The following AOPEP variants were observed in gnomAD, a reference collection of about 807,000 sequenced individuals.
AOPEP encodes aminopeptidase O (putative).
A neutral mutation model predicts 98.1 loss-of-function variants in AOPEP; 77 were observed. The observed-to-expected ratio is 0.78, with a 90% CI of 0.65 to 0.95. AOPEP has a LOEUF of 0.95. Among genes scored for constraint, AOPEP ranks in the 40% least tolerant of loss-of-function variants. The pLI is 0.00. For synonymous variants in AOPEP, 346 were observed against 365.3 expected, an observed-to-expected ratio of 0.95 and a Z score of 0.60; for missense variants, 1,024 against 1,024.7, an observed-to-expected ratio of 1.00 and a Z score of 0.01.
intron 13 of AOPEP, among the ~76,000 whole-genome samples, chr9:95,020,612 T>TG (rs2063363980): frequency 6.6e-6 from 1 of 150,882 alleles, no homozygotes; most frequent in African/African-American, 2.4e-5. Context: ...ACAGTATTAT[T>TG]TAAAAAAAAA....
chr9:95,144,985 G>A, the AOPEP span, among the ~76,000 whole-genome samples: 30 of 152,094 alleles, frequency 2.0e-4, no homozygotes, highest in African/African-American at 7.0e-4. Context: ...GTAGAAAAAA[G>A]GCCATTTTAT....
At chr9:95,112,982 C>A in the AOPEP span, among the ~76,000 whole-genome samples, 7 of 152,188 alleles carry the variant, frequency 4.6e-5, no homozygotes, top group African/African-American at 1.7e-4. Context: ...ACCCAGGGCA[C>A]CCACTGCACA....
chr9:95,128,998 G>A, the AOPEP span, among the ~76,000 whole-genome samples: 1 of 151,998 alleles, frequency 6.6e-6, no homozygotes, highest in East Asian at 1.9e-4. Context: ...CAACTCCTGG[G>A]TTCAAAAGAT....
intron 5 of AOPEP, among the ~76,000 whole-genome samples, chr9:94,901,388 A>G (rs1484758259): frequency 6.6e-6 from 1 of 151,952 alleles, no homozygotes; most frequent in Non-Finnish European, 1.5e-5. Flanking sequence ...AAATGGGAGG[A>G]TGGGCACTGT....
At chr9:95,137,792 G>A in the AOPEP span, among the ~76,000 whole-genome samples, 1 of 152,220 alleles carries the variant, frequency 6.6e-6, no homozygotes, top group Non-Finnish European at 1.5e-5. Flanking sequence ...AGCTGCAGAT[G>A]GCAGGAGGCA....
At chr9:95,111,420 C>T in the AOPEP span, 14 of 1,601,742 alleles carry the variant, frequency 8.7e-6, no homozygotes, top group Non-Finnish European at 1.2e-5. Flanking sequence ...TCTCAGCCCC[C>T]CAGAGCCCAC....
chr9:94,777,689 A>G (rs1588159896), intron 3 of AOPEP, among the ~76,000 whole-genome samples: 1 of 130,368 alleles, frequency 7.7e-6, no homozygotes, highest in Non-Finnish European at 1.5e-5. Flanking sequence ...GCTGGAGTAC[A>G]GTGGCGCGAT....
At chr9:94,755,911 A>G (rs1016621325) in intron 1 of AOPEP, among the ~76,000 whole-genome samples, 1 of 152,230 alleles carries the variant, frequency 6.6e-6, no homozygotes, top group African/African-American at 2.4e-5. Context: ...CCAAAGTTCA[A>G]TAAAATAAAG....
chr9:95,126,153 T>C, the AOPEP span, among the ~76,000 whole-genome samples: 1 of 152,246 alleles, frequency 6.6e-6, no homozygotes, highest in East Asian at 1.9e-4. Context: ...TCTTTAGCTT[T>C]AAAGTCTTTT....
At chr9:94,837,328 AAAG>A (rs1411090554) in intron 5 of AOPEP, among the ~76,000 whole-genome samples, 1 of 152,238 alleles carries the variant, frequency 6.6e-6, no homozygotes, top group East Asian at 1.9e-4. Context: ...ATCAGACTTC[AAAG>A]AAGAATTGGT....
the AOPEP span, chr9:95,111,387 CAG>C: frequency 6.3e-7 from 1 of 1,597,282 alleles, no homozygotes; most frequent in South Asian, 1.1e-5. Context: ...AAGCCCACAA[CAG>C]AGCCCCTCTC....
At chr9:94,842,560 A>T (rs766832496) in intron 5 of AOPEP, among the ~76,000 whole-genome samples, 1 of 152,150 alleles carries the variant, frequency 6.6e-6, no homozygotes, top group Non-Finnish European at 1.5e-5. Flanking sequence ...TTTGCTTTCA[A>T]TTGTCAAACA....
chr9:94,792,124 T>G (rs1845860953), intron 3 of AOPEP, among the ~76,000 whole-genome samples: 1 of 152,210 alleles, frequency 6.6e-6, no homozygotes, highest in South Asian at 2.1e-4. Context: ...AGTCCTTGGC[T>G]CCGTTAAACC....
chr9:94,745,701 A>T (rs374188581), intron 1 of AOPEP, among the ~76,000 whole-genome samples: 39 of 152,210 alleles, frequency 2.6e-4, no homozygotes, highest in African/African-American at 8.4e-4. Context: ...ACAGGATCTT[A>T]TTCTTTTTAA....
chr9:95,046,069 T>A (rs528436591), intron 13 of AOPEP, among the ~76,000 whole-genome samples: 1 of 152,328 alleles, frequency 6.6e-6, no homozygotes, highest in African/African-American at 2.4e-5. Flanking sequence ...TTTAAAAAAA[T>A]GTCAGTGGAC....
At chr9:94,933,461 C>CT (rs1294011249) in intron 7 of AOPEP, 9 of 985,274 alleles carry the variant, frequency 9.1e-6, no homozygotes, top group Non-Finnish European at 1.1e-5. Context: ...AAATGTATCG[C>CT]TTTAAGGAGG....
intron 7 of AOPEP, among the ~76,000 whole-genome samples, chr9:94,939,038 AG>A (rs766924768): frequency 1.2e-4 from 19 of 152,292 alleles, no homozygotes; most frequent in Non-Finnish European, 2.6e-4. Context: ...TCACAAGGTC[AG>A]GAGTTCAAGA....
At chr9:95,139,834 T>TTATA in the AOPEP span, among the ~76,000 whole-genome samples, 35 of 143,158 alleles carry the variant, frequency 2.4e-4, no homozygotes, top group South Asian at 1.3e-3. Flanking sequence ...ATATATATAT[T>TTATA]TATATATATA....
downstream of AOPEP, among the ~76,000 whole-genome samples, chr9:95,090,494 C>T (rs762958154): frequency 5.3e-5 from 8 of 152,260 alleles, no homozygotes; most frequent in South Asian, 2.1e-4. Context: ...GGGCCTGCTG[C>T]GGGAGGGGAG....
Sources: gnomAD v4.1 joint callset for allele counts (sites outside exome capture counted in the v4.1 genomes callset) on GRCh38, gnomAD v4.1.1 for gene constraint, MANE v1.5 for transcripts, NCBI Gene and HGNC (gene_info 2026-07-23, HGNC 2026-07-21) for gene names.